SCAPER: variants seen among roughly 807,000 people sequenced by gnomAD.
The protein encoded by SCAPER is S phase cyclin A-associated protein in the endoplasmic reticulum.
In SCAPER, 98 loss-of-function variants were observed where a neutral mutation model predicts 182.2. The ratio of observed to expected loss-of-function variants is 0.54; its 90% CI spans 0.46 to 0.64. The LOEUF is 0.64. SCAPER is among the 30% of genes least tolerant of loss of function. The pLI is 0.00. For synonymous variants in SCAPER, 605 were observed against 564.6 expected, an observed-to-expected ratio of 1.07 and a Z score of -1.01; for missense variants, 1,432 against 1,690.0, an observed-to-expected ratio of 0.85 and a Z score of 2.68.
rs189262669 is a variant in SCAPER, at chr15:76,604,601, A to G, written c.2711+17163T>C. Among the ~76,000 whole-genome samples, 10 of 147,828 alleles carry G rather than the reference A, an allele frequency of 6.8e-5. 1 individual carries two copies. In the East Asian group the frequency reaches 1.8e-3, roughly 26 times the overall value. On this transcript the variant is annotated intron_variant, in intron 22 of 31. Coordinates refer to ENST00000563290, the MANE Select transcript of SCAPER (RefSeq NM_020843.4). ...GCTTGATGGGGATGGCATTGAATCT[A>G]TAAATTACCTTGGGCAGTATGGCCA...
chr15:76,807,798 T>C (rs566886369), intron 5 of SCAPER, among the ~76,000 whole-genome samples: 2 of 151,424 alleles, frequency 1.3e-5, no homozygotes, highest in East Asian at 3.9e-4. Flanking sequence ...ATTTGGGTGA[T>C]GGATATTTTT....
At chr15:76,600,455 T>TA (rs2049850302) in intron 22 of SCAPER, among the ~76,000 whole-genome samples, 2 of 23,760 alleles carry the variant, frequency 8.4e-5, no homozygotes, top group African/African-American at 1.7e-4. Context: ...ATATATATAT[T>TA]TTTTTTTTTT....
At chr15:76,412,619 C>T (rs2045371359) in intron 26 of SCAPER, among the ~76,000 whole-genome samples, 1 of 152,084 alleles carries the variant, frequency 6.6e-6, no homozygotes, top group African/African-American at 2.4e-5. Context: ...CAATCTTATA[C>T]CAATACCAGA....
intron 22 of SCAPER, among the ~76,000 whole-genome samples, chr15:76,582,008 TG>T (rs1432127942): frequency 6.6e-6 from 1 of 152,170 alleles, no homozygotes; most frequent in Non-Finnish European, 1.5e-5. Context: ...GCTAGTATAC[TG>T]AACAGAGAAA....
chr15:76,405,464 C>CTCTG (rs2044760140), intron 26 of SCAPER, among the ~76,000 whole-genome samples: 1 of 152,096 alleles, frequency 6.6e-6, no homozygotes, highest in Admixed American at 6.6e-5. Flanking sequence ...TTTTTAAAGA[C>CTCTG]TCTGTCACCA....
chr15:76,894,502 TA>T (rs1298748549), intron 1 of SCAPER, among the ~76,000 whole-genome samples: 1 of 150,624 alleles, frequency 6.6e-6, no homozygotes, highest in Non-Finnish European at 1.5e-5. Context: ...CTCAAAGAAC[TA>T]AAAAAAGAAC....
intron 22 of SCAPER, among the ~76,000 whole-genome samples, chr15:76,608,428 C>T (rs1017192558): frequency 2.0e-5 from 3 of 152,214 alleles, no homozygotes; most frequent in Non-Finnish European, 4.4e-5. Context: ...TCTGCCCCTA[C>T]TGGGGGATGC....
In SCAPER at chr15:76,487,015, G is replaced by A. The variant is rs1043241354; in HGVS notation, c.2955-15680C>T. On this transcript the variant is annotated intron_variant, in intron 24 of 31. Transcript: ENST00000563290. ...ATACCATGCAGCCATAAAAAAGAAC[G>A]AGATCATGTCCTTTGTGGGGATATG... is the stretch of plus-strand genomic sequence containing the variant. 2.6e-5 allele frequency among the ~76,000 whole-genome samples: 4 copies of A among 152,290 alleles called. No homozygotes were observed. In the South Asian group the frequency reaches 6.2e-4, roughly 24 times the overall value.
rs772597677 is a variant in SCAPER, at chr15:76,665,705, G to T, written c.2593C>A (p.Arg865=). The T allele has an allele frequency of 1.9e-6, 3 of 1,569,380 alleles. No individual in the cohort carries two copies. The highest frequency in any genetic ancestry group is 1.4e-5 in the African/African-American group (1 of 73,622). Residue 865 remains arginine (R), a synonymous_variant, in exon 21 of 32, where the codon CGG becomes AGG. Coordinates refer to ENST00000563290, the MANE Select transcript of SCAPER (RefSeq NM_020843.4). ...PAEALKDGEE[R]QKNKKKAKKI... is the part of the protein sequence containing the mutation. ...TTGGCTTTTTTTTTATTTTTTTGCC[G>T]CTCTTCTCCATCTTTCAAAGCTTCT...
chr15:76,899,571 GC>G (rs1178909673), intron 1 of SCAPER, among the ~76,000 whole-genome samples: 1 of 152,158 alleles, frequency 6.6e-6, no homozygotes, highest in Non-Finnish European at 1.5e-5. Flanking sequence ...TACAGCCTCT[GC>G]CCGCCCGCCA....
chr15:76,413,490 C>G (rs1303410762), intron 26 of SCAPER, among the ~76,000 whole-genome samples: 2 of 152,170 alleles, frequency 1.3e-5, no homozygotes, highest in East Asian at 3.8e-4. Flanking sequence ...CTCAAAAGGT[C>G]TGACATTTTT....
intron 22 of SCAPER, among the ~76,000 whole-genome samples, chr15:76,618,932 C>A (rs181932897): frequency 7.9e-5 from 12 of 152,322 alleles, no homozygotes; most frequent in Admixed American, 6.5e-4. Context: ...GCAACCTCCA[C>A]CTCCCGGGTT....
intron 21 of SCAPER, among the ~76,000 whole-genome samples, chr15:76,639,239 C>T (rs1359197395): frequency 6.6e-6 from 1 of 152,180 alleles, no homozygotes; most frequent in Non-Finnish European, 1.5e-5. Flanking sequence ...ATTCTTCTCA[C>T]TACGCCATTG....
chr15:76,380,574 C>T (rs2042882133), intron 28 of SCAPER: 1 of 152,118 alleles, frequency 6.6e-6, no homozygotes. Context: ...TCCCTCAGAG[C>T]AAAGCAATTC....
At chr15:76,724,766 T>C (rs546944097) in intron 17 of SCAPER, among the ~76,000 whole-genome samples, 1 of 152,342 alleles carries the variant, frequency 6.6e-6, no homozygotes, top group Admixed American at 6.5e-5. Context: ...TGCCATGGTT[T>C]TCAGCTCTAT....
chr15:76,399,460 T>C (rs1422338990), intron 27 of SCAPER, among the ~76,000 whole-genome samples: 2 of 152,182 alleles, frequency 1.3e-5, no homozygotes, highest in Non-Finnish European at 2.9e-5. Flanking sequence ...GAGAGTCCCA[T>C]TACAGACTAT....
chr15:76,400,038 A>T (rs1460223363), intron 27 of SCAPER, among the ~76,000 whole-genome samples: 2 of 152,006 alleles, frequency 1.3e-5, no homozygotes, highest in Admixed American at 1.3e-4. Flanking sequence ...AGAAAAGAAA[A>T]GAAAACCTAG....
chr15:76,751,316 C>A (rs1188629259), intron 15 of SCAPER, among the ~76,000 whole-genome samples: 1 of 151,650 alleles, frequency 6.6e-6, no homozygotes, highest in Non-Finnish European at 1.5e-5. Context: ...AAGTGATGTA[C>A]AGATTCAATG....
chr15:76,387,428 T>C (rs148425188), intron 27 of SCAPER, among the ~76,000 whole-genome samples: 1 of 152,348 alleles, frequency 6.6e-6, no homozygotes, highest in East Asian at 1.9e-4. Context: ...ACAGTAGCTA[T>C]TCAATACATA....
Sources: gnomAD v4.1 joint callset for allele counts (sites outside exome capture counted in the v4.1 genomes callset) on GRCh38, gnomAD v4.1.1 for gene constraint, MANE v1.5 for transcripts, NCBI Gene and HGNC (gene_info 2026-07-23, HGNC 2026-07-21) for gene names.